DYRK1A: variants seen among roughly 807,000 people sequenced by gnomAD.
DYRK1A encodes dual specificity tyrosine-phosphorylation-regulated kinase 1A.
Under a neutral mutation model 79.7 loss-of-function variants are expected in DYRK1A, and 9 were observed. The observed-to-expected ratio is 0.11, with a 90% CI of 0.07 to 0.20. The LOEUF (loss-of-function observed/expected upper bound fraction) is 0.20, where lower values mean the gene tolerates loss of function less well. DYRK1A is among the 10% of genes least tolerant of loss of function. The pLI, the probability that DYRK1A is intolerant of heterozygous loss-of-function variation, is 1.00. For missense variants in DYRK1A, 622 were observed against 956.0 expected, an observed-to-expected ratio of 0.65 and a Z score of 4.61; for synonymous variants, 349 against 329.7, an observed-to-expected ratio of 1.06 and a Z score of -0.63.
chr21:37,376,550 A>C (rs534618977), intron 1 of DYRK1A, among the ~76,000 whole-genome samples: 1 of 151,890 alleles, frequency 6.6e-6, no homozygotes, highest in Non-Finnish European at 1.5e-5. Flanking sequence ...TGGTCATGGG[A>C]AGGTTCATGT....
At chr21:37,434,926 G>A (rs985766072) in intron 2 of DYRK1A, among the ~76,000 whole-genome samples, 2 of 152,192 alleles carry the variant, frequency 1.3e-5, no homozygotes, top group Admixed American at 6.5e-5. Flanking sequence ...ATGCTTTTGA[G>A]TAGGTGGGGA....
intron 1 of DYRK1A, among the ~76,000 whole-genome samples, chr21:37,413,909 G>T (rs796209371): frequency 2.0e-5 from 3 of 152,272 alleles, no homozygotes; most frequent in African/African-American, 7.2e-5. Context: ...CAGAGGGGAA[G>T]AAGCAGGCTC....
intron 1 of DYRK1A, among the ~76,000 whole-genome samples, chr21:37,404,835 A>G (rs1241747628): frequency 1.3e-5 from 2 of 152,228 alleles, no homozygotes; most frequent in African/African-American, 4.8e-5. Flanking sequence ...GCCGTTAGGC[A>G]TACAGGTTCT....
intron 5 of DYRK1A, among the ~76,000 whole-genome samples, chr21:37,483,422 C>T (rs1266102123): frequency 6.6e-6 from 1 of 152,076 alleles, no homozygotes; most frequent in African/African-American, 2.4e-5. Flanking sequence ...CCAGTGTGGC[C>T]CTACCAGTCC....
rs953230609 is a variant in DYRK1A, at chr21:37,517,999, C to T, written c.*5468C>T. The T allele has an allele frequency of 6.6e-6, 1 of 152,118 alleles. No homozygotes were observed. Among genetic ancestry groups the T allele is most frequent in the Non-Finnish European group, 1.5e-5 (1 of 68,066 alleles). The allele number at this position is 152,118 out of a possible 1,614,324, so 9.4% of individuals were successfully genotyped here. A position where few individuals can be genotyped will look rare whatever the true frequency, so the allele number is the denominator to read the frequency against. On this transcript the variant is annotated 3_prime_UTR_variant, in exon 12 of 12. Coordinates refer to ENST00000647188, the MANE Select transcript of DYRK1A (RefSeq NM_001347721.2). ...GCCTTAAACAACTGGGCTAGGTGAT[C>T]CTCCCATCTCAGCCTCCCAAGTAGC...
Position 37,496,274 on chromosome 21 carries a change from ATC to A in DYRK1A, c.1212+18_1212+19del. 1 of 1,602,926 alleles carries A rather than the reference ATC, an allele frequency of 6.2e-7. No individual in the cohort carries two copies. On this transcript the variant is annotated intron_variant, in intron 9 of 11. Coordinates refer to ENST00000647188, the MANE Select transcript of DYRK1A (RefSeq NM_001347721.2). ...TGGAAAACGGGTAAAATAAGGATAT[ATC>A]TGTTTTGAGCCTTTATTAAATTTCT...
At chr21:37,377,147 T>C (rs544899854) in intron 1 of DYRK1A, among the ~76,000 whole-genome samples, 1 of 152,202 alleles carries the variant, frequency 6.6e-6, no homozygotes, top group East Asian at 1.9e-4. Context: ...TGAGACGGAG[T>C]CTCGCTCTTT....
intron 1 of DYRK1A, among the ~76,000 whole-genome samples, chr21:37,406,275 C>T (rs1439478009): frequency 6.6e-6 from 1 of 152,172 alleles, no homozygotes; most frequent in Non-Finnish European, 1.5e-5. Flanking sequence ...CAGAAGCATA[C>T]ATTCCATAGC....
chr21:37,502,869 T>G (rs1334564215), intron 9 of DYRK1A: 1 of 152,192 alleles, frequency 6.6e-6, no homozygotes, highest in Non-Finnish European at 1.5e-5. Context: ...ATATTTTCAG[T>G]GAATATAGAA....
chr21:37,424,536 T>C (rs1389583624), intron 2 of DYRK1A, among the ~76,000 whole-genome samples: 2 of 152,150 alleles, frequency 1.3e-5, no homozygotes, highest in Non-Finnish European at 2.9e-5. Context: ...CATTTTATAC[T>C]CGTGTTGACT....
chr21:37,508,339 G>A (rs2053655274), intron 11 of DYRK1A, among the ~76,000 whole-genome samples: 1 of 152,182 alleles, frequency 6.6e-6, no homozygotes, highest in Non-Finnish European at 1.5e-5. Context: ...CCAGGCTGGG[G>A]TGGAATGGAA....
chr21:37,425,543 C>CT (rs1184307589), intron 2 of DYRK1A: 2 of 152,024 alleles, frequency 1.3e-5, no homozygotes, highest in Non-Finnish European at 2.9e-5. Context: ...CTTAGTGTGT[C>CT]TATTTAAGAC....
intron 11 of DYRK1A, among the ~76,000 whole-genome samples, chr21:37,508,766 TCTTA>T (rs2053669114): frequency 6.6e-6 from 1 of 152,190 alleles, no homozygotes; most frequent in Non-Finnish European, 1.5e-5. Flanking sequence ...CCACATTCTC[TCTTA>T]CTTTTCTTAC....
rs537532878 is a variant in DYRK1A at position 37,478,307 on chromosome 21, C to T, written c.300+7C>T. On this transcript the variant is annotated splice_region_variant and intron_variant, in intron 4 of 11. Transcript: ENST00000647188. ...ATACAAGCATATTAATGAGGTAAGA[C>T]TTGATTTGTTATAATAACATCTATC... 17 of 1,611,590 alleles carry T rather than the reference C, an allele frequency of 1.1e-5. No homozygotes were observed. In the African/African-American group the frequency reaches 1.3e-4, roughly 13 times the overall value.
At chr21:37,478,928 G>T (rs1471936206) in intron 4 of DYRK1A, among the ~76,000 whole-genome samples, 1 of 152,144 alleles carries the variant, frequency 6.6e-6, no homozygotes. Flanking sequence ...TTTTGCCACC[G>T]AAAATTTTTC....
chr21:37,423,008 CATTT>C lies in DYRK1A; in HGVS notation c.10+2629_10+2632del, dbSNP rs35285134. The stretch of plus-strand genomic sequence containing the variant: ...GAAGAACAAATGATTTGTTAACAAA[CATTT>C]ATTTGGTGAGCATTTGCTTTGTACC... On this transcript the variant is annotated intron_variant, in intron 2 of 11. Coordinates refer to ENST00000647188, the MANE Select transcript of DYRK1A (RefSeq NM_001347721.2). 2.5e-3 allele frequency among the ~76,000 whole-genome samples: 380 copies of C among 152,228 alleles called. 1 individual carries two copies. The highest frequency in any genetic ancestry group is 8.2e-3 in the African/African-American group (341 of 41,554).
chr21:37,426,201 A>G lies in DYRK1A; in HGVS notation c.10+5817A>G, dbSNP rs16995088. On this transcript the variant is annotated intron_variant, in intron 2 of 11. Transcript: ENST00000647188. Reference sequence around the variant, plus strand: ...CACAGGAGATCTTATTCATGAGTCTATATTTTGGGATCCTTCATGAAAAGG... The same window carrying G: ...CACAGGAGATCTTATTCATGAGTCTGTATTTTGGGATCCTTCATGAAAAGG... Among the ~76,000 whole-genome samples, 1,379 of 152,296 alleles carry G rather than the reference A, an allele frequency of 9.1e-3. 19 individuals are homozygous for G. The highest frequency in any genetic ancestry group is 0.032 in the African/African-American group (1,316 of 41,536).
chr21:37,387,661 C>T (rs189737140), intron 1 of DYRK1A, among the ~76,000 whole-genome samples: 1 of 152,304 alleles, frequency 6.6e-6, no homozygotes, highest in Admixed American at 6.5e-5. Flanking sequence ...TCCTGGCTTT[C>T]TGGCCATTAT....
intron 1 of DYRK1A, among the ~76,000 whole-genome samples, chr21:37,416,078 C>T (rs756217240): frequency 9.2e-5 from 14 of 152,096 alleles, no homozygotes; most frequent in Non-Finnish European, 1.2e-4. Context: ...CCATAGTTCA[C>T]AAACTGTGAC....
Sources: gnomAD v4.1 joint callset for allele counts (sites outside exome capture counted in the v4.1 genomes callset) on GRCh38, gnomAD v4.1.1 for gene constraint, MANE v1.5 for transcripts, NCBI Gene and HGNC (gene_info 2026-07-23, HGNC 2026-07-21) for gene names.